Variants in KCNK9 observed in about 807,000 individuals in gnomAD.
KCNK9 encodes the protein potassium two pore domain channel subfamily K member 9, also known as potassium channel subfamily K member 9.
Under a neutral mutation model 10.8 loss-of-function variants are expected in KCNK9, and 1 was observed. The ratio of observed to expected loss-of-function variants is 0.09; its 90% CI spans 0.03 to 0.44. The LOEUF is 0.44. KCNK9 is among the 20% of genes least tolerant of loss of function. KCNK9 has a pLI of 0.97. For missense variants in KCNK9, 303 were observed against 515.0 expected (o/e 0.59, Z 3.98); for synonymous variants, 231 against 222.7 (o/e 1.04, Z -0.33).
chr8:139,674,370 C>G (rs922915137), intron 1 of KCNK9, among the ~76,000 whole-genome samples: 2 of 152,246 alleles, frequency 1.3e-5, no homozygotes, highest in Admixed American at 6.5e-5. Context: ...GGCTTCCAGC[C>G]TCTACTCTGT....
At chr8:139,660,713 T>C (rs2129703465) in intron 1 of KCNK9, among the ~76,000 whole-genome samples, 1 of 152,296 alleles carries the variant, frequency 6.6e-6, no homozygotes, top group Middle Eastern at 3.4e-3. Flanking sequence ...TTAACAATAA[T>C]GCATACTGGC....
intron 1 of KCNK9, among the ~76,000 whole-genome samples, chr8:139,649,684 C>T (rs1217889167): frequency 6.6e-6 from 1 of 152,228 alleles, no homozygotes; most frequent in Non-Finnish European, 1.5e-5. Flanking sequence ...GGTCTGGCTC[C>T]AGGGCAGCAC....
At chr8:139,631,027 C>A (rs112888506) in intron 1 of KCNK9, among the ~76,000 whole-genome samples, 3,629 of 152,350 alleles carry the variant, frequency 0.024, 137 homozygotes, top group African/African-American at 0.079. Context: ...CAGCGCCGGC[C>A]ACCGGAGAGG....
At chr8:139,627,931 C>T (rs1432747311) in intron 1 of KCNK9, among the ~76,000 whole-genome samples, 5 of 152,320 alleles carry the variant, frequency 3.3e-5, no homozygotes, top group Non-Finnish European at 5.9e-5. Flanking sequence ...GGCCCCAGGA[C>T]GGTGGGCCAG....
intron 1 of KCNK9, among the ~76,000 whole-genome samples, chr8:139,624,968 C>G (rs1814918739): frequency 6.6e-6 from 1 of 152,196 alleles, no homozygotes; most frequent in Admixed American, 6.5e-5. Flanking sequence ...TCCTGAGCAC[C>G]CTGGGAGGAC....
chr8:139,637,408 G>T (rs1288435226), intron 1 of KCNK9, among the ~76,000 whole-genome samples: 1 of 152,174 alleles, frequency 6.6e-6, no homozygotes, highest in Non-Finnish European at 1.5e-5. Flanking sequence ...GAGACCAATG[G>T]CTCACCAAAG....
Position 139,652,774 on chromosome 8 carries a change from T to C in KCNK9, c.284-33675A>G, listed in dbSNP as rs577384541. Among the ~76,000 whole-genome samples the C allele has an allele frequency of 3.3e-5, 5 of 152,334 alleles. No homozygotes were observed. The East Asian group carries it at 9.6e-4, about 29-fold the overall frequency. ...TGTGCAGCCAAACGCTGTCAGCTACTGGCTGCGGGAGCACCCCTTGGCATG... is the reference window on the plus strand; with the variant it reads ...TGTGCAGCCAAACGCTGTCAGCTACCGGCTGCGGGAGCACCCCTTGGCATG... On this transcript the variant is annotated intron_variant, in intron 1 of 1. Transcript: ENST00000520439.
rs879876416 is a variant in KCNK9, at chr8:139,618,130, G to C, written c.*128C>G. 18 of 1,317,164 alleles carry C rather than the reference G, an allele frequency of 1.4e-5. No homozygotes were observed. In the Middle Eastern group the frequency reaches 1.2e-3, roughly 91 times the overall value. The allele number at this position is 1,317,164 out of a possible 1,614,324, so 81.6% of individuals were successfully genotyped here. A position where few individuals can be genotyped will look rare whatever the true frequency, so the allele number is the denominator to read the frequency against. ...AAATGAGACCAAGAGACCAAGAAAG[G>C]AGGAAGGAGAGAAAGTAATAATGAT... On this transcript the variant is annotated 3_prime_UTR_variant, in exon 2 of 2. Coordinates refer to ENST00000520439, the MANE Select transcript of KCNK9 (RefSeq NM_001282534.2). The surrounding 1 kb of genome is among the most constrained non-coding windows in gnomAD (Gnocchi z 7.9).
At chr8:139,670,984 T>C (rs1816414194) in intron 1 of KCNK9, among the ~76,000 whole-genome samples, 1 of 152,182 alleles carries the variant, frequency 6.6e-6, no homozygotes, top group Non-Finnish European at 1.5e-5. Context: ...CCCTCCACTA[T>C]TGCCACCCCC....
At chr8:139,626,945 C>G (rs527797606) in intron 1 of KCNK9, among the ~76,000 whole-genome samples, 19 of 152,324 alleles carry the variant, frequency 1.2e-4, no homozygotes, top group African/African-American at 4.6e-4. Context: ...CTCATCCTCC[C>G]ATGAGCTTCG....
chr8:139,605,825 A>T (rs2430821), intron 2 of KCNK9, among the ~76,000 whole-genome samples: 113,074 of 152,188 alleles, frequency 0.74, 42,205 homozygotes, highest in East Asian at 0.95. Context: ...CTACTTGGAC[A>T]TGTAAACATT....
chr8:139,653,963 C>T (rs1815943787), intron 1 of KCNK9, among the ~76,000 whole-genome samples: 3 of 152,208 alleles, frequency 2.0e-5, no homozygotes. Context: ...TTCATTTCTT[C>T]CACCCAGGGG....
intron 1 of KCNK9, among the ~76,000 whole-genome samples, chr8:139,624,993 A>T (rs897297024): frequency 1.3e-5 from 2 of 152,138 alleles, no homozygotes; most frequent in Admixed American, 6.5e-5. Flanking sequence ...CTACTTCCTC[A>T]TCTGTGAAAT....
chr8:139,688,757 T>C (rs1015628830), intron 1 of KCNK9, among the ~76,000 whole-genome samples: 3 of 152,346 alleles, frequency 2.0e-5, no homozygotes, highest in East Asian at 3.9e-4. Context: ...TTCTTGACCA[T>C]AGTAAGATAA....
chr8:139,619,930 G>C (rs914998575), intron 1 of KCNK9, among the ~76,000 whole-genome samples: 70 of 152,246 alleles, frequency 4.6e-4, no homozygotes, highest in African/African-American at 1.6e-3. Flanking sequence ...ATGGAGCCTG[G>C]ATAGAAATGA....
intron 1 of KCNK9, among the ~76,000 whole-genome samples, chr8:139,629,735 C>G (rs995077474): frequency 6.6e-6 from 1 of 152,130 alleles, no homozygotes; most frequent in Non-Finnish European, 1.5e-5. Flanking sequence ...GGGCCACCTT[C>G]CTGCTGTGTC....
chr8:139,682,705 G>A (rs1351962992), intron 1 of KCNK9, among the ~76,000 whole-genome samples: 3 of 152,192 alleles, frequency 2.0e-5, no homozygotes, highest in Non-Finnish European at 2.9e-5. Context: ...GCAGTGACTC[G>A]ATCTCCTGTG....
intron 1 of KCNK9, among the ~76,000 whole-genome samples, chr8:139,626,620 C>T (rs1194856396): frequency 6.6e-6 from 1 of 152,180 alleles, no homozygotes; most frequent in Non-Finnish European, 1.5e-5. Flanking sequence ...ATTCCAGGAG[C>T]TGGAGCGGCT....
chr8:139,615,253 C>CCTT (rs141735792), downstream of KCNK9, among the ~76,000 whole-genome samples: 13,379 of 152,192 alleles, frequency 0.088, 625 homozygotes, highest in Middle Eastern at 0.13. Flanking sequence ...TAAGTGTTCG[C>CCTT]CTTCTCTGAA....
Sources: allele counts gnomAD v4.1 joint callset (sites outside exome capture counted in the v4.1 genomes callset), GRCh38; gene constraint gnomAD v4.1.1; non-coding constraint Gnocchi (gnomAD v3.1); transcripts MANE v1.5; gene names NCBI Gene and HGNC (gene_info 2026-07-23, HGNC 2026-07-21).